Variants in PRKAR1B observed in about 807,000 individuals in gnomAD.
The protein encoded by PRKAR1B is protein kinase cAMP-dependent type I regulatory subunit beta.
Under a neutral mutation model 46.5 loss-of-function variants are expected in PRKAR1B, and 22 were observed. That is an observed-to-expected ratio of 0.47 (90% CI 0.34 to 0.68). The LOEUF (loss-of-function observed/expected upper bound fraction) is 0.68. PRKAR1B is among the 30% of genes least tolerant of loss of function. The probability of loss-of-function intolerance (pLI) is 0.01; values close to 1 mark genes in which losing one functional copy is unlikely to be tolerated. For synonymous variants in PRKAR1B, 259 were observed against 217.7 expected (o/e 1.19, Z -1.67); for missense variants, 445 against 535.6 (o/e 0.83, Z 1.67).
chr7:644,070 G>A lies in PRKAR1B; in HGVS notation c.440+33159C>T, dbSNP rs1332149334. Among the ~76,000 whole-genome samples, 1 of 152,096 alleles carries A rather than the reference G, an allele frequency of 6.6e-6. No individual in the cohort carries two copies. Among genetic ancestry groups the A allele is most frequent in the Non-Finnish European group, 1.5e-5 (1 of 68,024 alleles). ...CGAAGCTAGGGGCGGCTGCTACACG[G>A]CCCACTACACTAAGCCCTAAGTCTT... is the stretch of plus-strand genomic sequence containing the variant. On this transcript the variant is annotated intron_variant, in intron 4 of 10. Transcript: ENST00000537384. This position sits in a 1 kb window ranked among gnomAD's most constrained non-coding sequence, Gnocchi z 4.9.
intron 2 of PRKAR1B, among the ~76,000 whole-genome samples, chr7:703,854 C>T (rs934489337): frequency 6.6e-6 from 1 of 151,912 alleles, no homozygotes; most frequent in Admixed American, 6.6e-5. Context: ...AGATTCAAAA[C>T]CATATAAGCT....
chr7:711,188 T>A, intron 2 of PRKAR1B, 141 bp downstream of exon 2: 1 of 1,209,246 alleles, frequency 8.3e-7, no homozygotes, highest in Non-Finnish European at 1.2e-6. Context: ...CCCGCGCTTC[T>A]GGAAGGACCT....
intron 6 of PRKAR1B, chr7:603,128 A>T (rs1033688582): frequency 6.6e-6 from 1 of 152,302 alleles, no homozygotes. Context: ...AGCCCTGCCG[A>T]TGCAAACCGG....
At chr7:636,365 C>CCACT (rs1562579194) in intron 4 of PRKAR1B, among the ~76,000 whole-genome samples, 1 of 36,114 alleles carries the variant, frequency 2.8e-5, no homozygotes, top group East Asian at 6.2e-4. Flanking sequence ...CTCCACCGGC[C>CCACT]GCGCCCACAC....
chr7:702,564 C>G lies in PRKAR1B; in HGVS notation c.177+8765G>C, dbSNP rs1688458952. Among the ~76,000 whole-genome samples the G allele has an allele frequency of 2.0e-5, 3 of 152,288 alleles. 1 individual carries two copies. The South Asian group carries it at 6.2e-4, about 32-fold the overall frequency. Reference sequence around the variant, plus strand: ...CATAGGCTGGGCGTGGGGCTCACACCTGTAATCTCAGCACTTTGGGAGGCC... The same window carrying G: ...CATAGGCTGGGCGTGGGGCTCACACGTGTAATCTCAGCACTTTGGGAGGCC... On this transcript the variant is annotated intron_variant, in intron 2 of 10. Transcript: ENST00000537384.
chr7:584,406 A>G, intron 8 of PRKAR1B, 102 bp downstream of exon 8: 1 of 978,814 alleles, frequency 1.0e-6, no homozygotes, highest in South Asian at 1.4e-5. Context: ...AATACCAACA[A>G]CACTCAACTG....
intron 7 of PRKAR1B, among the ~76,000 whole-genome samples, chr7:595,330 C>A (rs772324158): frequency 6.6e-6 from 1 of 152,200 alleles, no homozygotes; most frequent in Non-Finnish European, 1.5e-5. Flanking sequence ...ACAGCAGTCC[C>A]CCCCGCCCCA....
At chr7:630,813 C>A (rs1460035019) in intron 4 of PRKAR1B, among the ~76,000 whole-genome samples, 2 of 152,184 alleles carry the variant, frequency 1.3e-5, no homozygotes, top group African/African-American at 2.4e-5. Flanking sequence ...CACACCCCCC[C>A]CACCATCTCC....
At chr7:717,599 A>G (rs1219202439) in intron 1 of PRKAR1B, among the ~76,000 whole-genome samples, 1 of 152,154 alleles carries the variant, frequency 6.6e-6, no homozygotes, top group Non-Finnish European at 1.5e-5. Flanking sequence ...TCGAGGCTGC[A>G]GTGAGCTATG....
At chr7:632,783 A>C (rs967292435) in intron 4 of PRKAR1B, among the ~76,000 whole-genome samples, 1 of 152,156 alleles carries the variant, frequency 6.6e-6, no homozygotes, top group Non-Finnish European at 1.5e-5. Flanking sequence ...CAAGCTACAG[A>C]GCCATCAGGA....
chr7:678,376 G>A lies in PRKAR1B; in HGVS notation c.349-1056C>T, dbSNP rs150072149. On this transcript the variant is annotated intron_variant, in intron 3 of 10. Transcript: ENST00000537384. ...TATGCAATCTGTCAACAACCAAAACGTGGTCATGTAGTGTGTGCCTGTATG... is the reference window on the plus strand; with the variant it reads ...TATGCAATCTGTCAACAACCAAAACATGGTCATGTAGTGTGTGCCTGTATG... Among the ~76,000 whole-genome samples, 5 of 152,322 alleles carry A rather than the reference G, an allele frequency of 3.3e-5. 1 individual carries two copies. Among genetic ancestry groups the A allele is most frequent in the South Asian group, 4.1e-4 (2 of 4,822 alleles).
chr7:677,357 C>T (rs1439299122), intron 3 of PRKAR1B, 37 bp from the exon 4 acceptor site: 1 of 1,586,350 alleles, frequency 6.3e-7, no homozygotes, highest in South Asian at 1.1e-5. Context: ...GTGAGCCACC[C>T]TGGCCTGATG....
chr7:596,808 G>A (rs1196177690), intron 6 of PRKAR1B, among the ~76,000 whole-genome samples: 1 of 152,224 alleles, frequency 6.6e-6, no homozygotes, highest in Admixed American at 6.5e-5. Context: ...ACCTCCACCA[G>A]CACACACCAC....
chr7:589,327 T>C (rs994312665), intron 7 of PRKAR1B, among the ~76,000 whole-genome samples: 2 of 151,832 alleles, frequency 1.3e-5, no homozygotes, highest in African/African-American at 4.8e-5. Flanking sequence ...CTGCTTCCCA[T>C]TGACTAGCAG....
At chr7:563,108 G>A (rs1340412966) in intron 9 of PRKAR1B, among the ~76,000 whole-genome samples, 5 of 152,136 alleles carry the variant, frequency 3.3e-5, no homozygotes, top group Non-Finnish European at 5.9e-5. Flanking sequence ...GAACTGACAC[G>A]GCTTCTGCTT....
At chr7:562,942 T>C (rs1778896573) in intron 9 of PRKAR1B, among the ~76,000 whole-genome samples, 1 of 152,184 alleles carries the variant, frequency 6.6e-6, no homozygotes, top group Non-Finnish European at 1.5e-5. Context: ...CAAGTCTCAA[T>C]CTTTGGATGA....
At chr7:563,194 C>A (rs1050116903) in intron 9 of PRKAR1B, among the ~76,000 whole-genome samples, 6 of 152,234 alleles carry the variant, frequency 3.9e-5, no homozygotes, top group African/African-American at 1.4e-4. Flanking sequence ...CTAGACCCAA[C>A]CCGGAGCTGA....
chr7:677,399 C>A, intron 3 of PRKAR1B, 79 bp from the exon 4 acceptor site: 1 of 1,183,786 alleles, frequency 8.4e-7, no homozygotes, highest in South Asian at 1.2e-5. Context: ...CCCTACTCCA[C>A]CCTCAGCCTG....
chr7:601,391 C>T (rs578072037), intron 6 of PRKAR1B, among the ~76,000 whole-genome samples: 46 of 152,334 alleles, frequency 3.0e-4, no homozygotes, highest in South Asian at 1.7e-3. Context: ...GGCTGCCATG[C>T]GGCCGTTCCC....
Sources: allele counts gnomAD v4.1 joint callset (sites outside exome capture counted in the v4.1 genomes callset), GRCh38; gene constraint gnomAD v4.1.1; non-coding constraint Gnocchi (gnomAD v3.1); transcripts MANE v1.5; gene names NCBI Gene and HGNC (gene_info 2026-07-23, HGNC 2026-07-21).